The following TMEM217B variants were observed in gnomAD, a reference collection of about 807,000 sequenced individuals.
TMEM217B encodes the protein transmembrane protein 217B.
the TMEM217B span, chr6:37,218,196 G>C: frequency 2.4e-6 from 3 of 1,251,538 alleles, no homozygotes; most frequent in Non-Finnish European, 3.0e-6. Flanking sequence ...GGGGGACAGA[G>C]TCTTACTCTG....
chr6:37,213,623 G>A, the TMEM217B span, among the ~76,000 whole-genome samples: 1 of 152,240 alleles, frequency 6.6e-6, no homozygotes, highest in Non-Finnish European at 1.5e-5. Flanking sequence ...TGCAGGTGAA[G>A]GCCCAGCAGG....
At chr6:37,235,542 T>C in the TMEM217B span, among the ~76,000 whole-genome samples, 17 of 152,090 alleles carry the variant, frequency 1.1e-4, no homozygotes, top group Non-Finnish European at 2.2e-4. Context: ...ATTTTTTCTA[T>C]TTTTTAGTAG....
the TMEM217B span, chr6:37,258,089 T>C: frequency 6.0e-6 from 7 of 1,161,612 alleles, no homozygotes; most frequent in Non-Finnish European, 7.1e-6. Context: ...TTGGGGAAGC[T>C]GGGACTGCCT....
At chr6:37,218,511 T>G in the TMEM217B span, 1 of 1,614,122 alleles carries the variant, frequency 6.2e-7, no homozygotes, top group Non-Finnish European at 8.5e-7. Context: ...CTGTGGAGAA[T>G]CTCCGCTGTA....
At chr6:37,254,709 C>A in the TMEM217B span, among the ~76,000 whole-genome samples, 4 of 152,174 alleles carry the variant, frequency 2.6e-5, no homozygotes, top group Admixed American at 6.5e-5. Context: ...TAAGCACTCA[C>A]TATGTTCCAA....
the TMEM217B span, among the ~76,000 whole-genome samples, chr6:37,234,320 G>A: frequency 6.6e-6 from 1 of 152,032 alleles, no homozygotes; most frequent in African/African-American, 2.4e-5. Flanking sequence ...GGCTGGTCTC[G>A]AACTCCTGAC....
chr6:37,257,872 G>A, the TMEM217B span: 1 of 1,601,170 alleles, frequency 6.2e-7, no homozygotes, highest in Non-Finnish European at 8.5e-7. Context: ...GCATCTCGCC[G>A]GGCAAACCCT....
chr6:37,255,430 C>T, the TMEM217B span, among the ~76,000 whole-genome samples: 1 of 152,138 alleles, frequency 6.6e-6, no homozygotes, highest in Non-Finnish European at 1.5e-5. Context: ...ACCTGTAATA[C>T]TAGCTCTCTG....
At chr6:37,215,154 G>T in the TMEM217B span, 1 of 1,602,152 alleles carries the variant, frequency 6.2e-7, no homozygotes, top group Non-Finnish European at 8.5e-7. Context: ...CCTTTCTGCC[G>T]CTAGCCAAGG....
the TMEM217B span, among the ~76,000 whole-genome samples, chr6:37,234,849 G>A: frequency 6.6e-6 from 1 of 152,118 alleles, no homozygotes; most frequent in Non-Finnish European, 1.5e-5. Context: ...AGTATGAATA[G>A]GGATAGGGAA....
chr6:37,231,563 T>C, the TMEM217B span, among the ~76,000 whole-genome samples: 30 of 149,292 alleles, frequency 2.0e-4, 1 homozygote, highest in South Asian at 1.1e-3. Flanking sequence ...GTCCCAGCTA[T>C]TCGGGAGGCT....
At chr6:37,256,746 G>C in the TMEM217B span, among the ~76,000 whole-genome samples, 1 of 144,930 alleles carries the variant, frequency 6.9e-6, no homozygotes, top group Admixed American at 6.9e-5. Flanking sequence ...AATGGAGGGT[G>C]GGGGTGGGGG....
chr6:37,218,790 A>G, the TMEM217B span: 2 of 1,614,158 alleles, frequency 1.2e-6, no homozygotes, highest in Non-Finnish European at 8.5e-7. Context: ...TACAGGAGGA[A>G]GCAGCTGATG....
At chr6:37,239,700 T>C in the TMEM217B span, among the ~76,000 whole-genome samples, 1 of 152,102 alleles carries the variant, frequency 6.6e-6, no homozygotes, top group Non-Finnish European at 1.5e-5. Context: ...AATATGTTGC[T>C]GCCAACTCAT....
the TMEM217B span, chr6:37,257,891 C>A: frequency 6.8e-6 from 11 of 1,611,924 alleles, no homozygotes; most frequent in East Asian, 2.5e-4. Flanking sequence ...CTTGGCCCGC[C>A]TACAAGGACT....
At chr6:37,251,270 A>T in the TMEM217B span, among the ~76,000 whole-genome samples, 1 of 152,248 alleles carries the variant, frequency 6.6e-6, no homozygotes, top group Non-Finnish European at 1.5e-5. Flanking sequence ...TATGGGAATG[A>T]ACACCCACTC....
At chr6:37,257,266 C>G in the TMEM217B span, among the ~76,000 whole-genome samples, 2 of 152,162 alleles carry the variant, frequency 1.3e-5, no homozygotes, top group Non-Finnish European at 2.9e-5. Flanking sequence ...TCTGATGAAC[C>G]GTTGCTCACG....
At chr6:37,231,226 A>ATT in the TMEM217B span, among the ~76,000 whole-genome samples, 315 of 86,924 alleles carry the variant, frequency 3.6e-3, no homozygotes, top group African/African-American at 4.0e-3. Flanking sequence ...TGCCTGGCTA[A>ATT]TTTTTTTTTT....
chr6:37,235,401 T>C, the TMEM217B span, among the ~76,000 whole-genome samples: 2 of 152,182 alleles, frequency 1.3e-5, no homozygotes, highest in African/African-American at 4.8e-5. Flanking sequence ...AGTCTTGCTC[T>C]GTCGCCCAGG....
Sources: allele counts gnomAD v4.1 joint callset (sites outside exome capture counted in the v4.1 genomes callset), GRCh38; gene constraint gnomAD v4.1.1; transcripts MANE v1.5; gene names NCBI Gene and HGNC (gene_info 2026-07-23, HGNC 2026-07-21).